The following ADK variants were observed in gnomAD, a reference collection of about 807,000 sequenced individuals.
The protein encoded by ADK is adenosine kinase, also known as N6,N6-dimethyladenosine kinase.
ADK carries 24 observed loss-of-function variants against 44.7 expected under a neutral mutation model. That is an observed-to-expected ratio of 0.54 (90% CI 0.39 to 0.76). The LOEUF (loss-of-function observed/expected upper bound fraction) is 0.76, where lower values mean the gene tolerates loss of function less well. ADK is among the 30% of genes least tolerant of loss of function. The pLI, the probability that ADK is intolerant of heterozygous loss-of-function variation, is 0.00. For synonymous variants in ADK, 128 were observed against 142.6 expected, an observed-to-expected ratio of 0.90 and a Z score of 0.73; for missense variants, 321 against 425.1, an observed-to-expected ratio of 0.76 and a Z score of 2.15.
chr10:74,236,821 T>C (rs915267562), intron 3 of ADK, among the ~76,000 whole-genome samples: 23 of 152,192 alleles, frequency 1.5e-4, no homozygotes, highest in Admixed American at 6.5e-5. Flanking sequence ...GTATAAAAAA[T>C]GTATATGCCT....
At chr10:74,221,317 T>A (rs1362697204) in intron 2 of ADK, among the ~76,000 whole-genome samples, 1 of 150,332 alleles carries the variant, frequency 6.7e-6, no homozygotes, top group Non-Finnish European at 1.5e-5. Context: ...TTACAAGGGA[T>A]GTGAAGGACC....
chr10:74,651,075 GA>G (rs1213448593), intron 9 of ADK, among the ~76,000 whole-genome samples: 1 of 152,148 alleles, frequency 6.6e-6, no homozygotes, highest in African/African-American at 2.4e-5. Flanking sequence ...TAGGCATTTA[GA>G]ATGATATTTG....
chr10:74,247,826 C>CT (rs1012906863), intron 3 of ADK, among the ~76,000 whole-genome samples: 27 of 151,882 alleles, frequency 1.8e-4, no homozygotes, highest in African/African-American at 5.6e-4. Context: ...GTCTTTTTTC[C>CT]TTTTTTTCCC....
intron 3 of ADK, among the ~76,000 whole-genome samples, chr10:74,247,224 G>GTTTT (rs142274121): frequency 0.014 from 1,039 of 71,996 alleles, 24 homozygotes; most frequent in Middle Eastern, 0.018. Flanking sequence ...TTTTTTTTAA[G>GTTTT]TTTTTTTTTT....
At position 74,220,550 on chromosome 10, in the gene ADK, T is replaced by G. The variant is rs1212166603; in HGVS notation, c.141-3988T>G. Reference sequence around the variant, plus strand: ...CCAGCATCATCCTGATACCAAAGCCTGGCAGAGACACAACCAAAAAAGAGA... The same window carrying G: ...CCAGCATCATCCTGATACCAAAGCCGGGCAGAGACACAACCAAAAAAGAGA... On this transcript the variant is annotated intron_variant, in intron 2 of 10. Transcript: ENST00000539909. 3.9e-5 allele frequency among the ~76,000 whole-genome samples: 6 copies of G among 152,118 alleles called. No homozygotes were observed. The East Asian group carries it at 1.2e-3, about 29-fold the overall frequency.
intron 6 of ADK, among the ~76,000 whole-genome samples, chr10:74,470,313 C>T (rs1443123633): frequency 6.6e-6 from 1 of 152,060 alleles, no homozygotes; most frequent in Non-Finnish European, 1.5e-5. Context: ...GTGTGAGCCA[C>T]CGCGCCCAGC....
At chr10:74,534,988 ATTAGT>A (rs1353690494) in intron 7 of ADK, among the ~76,000 whole-genome samples, 3 of 152,212 alleles carry the variant, frequency 2.0e-5, no homozygotes, top group African/African-American at 7.2e-5. Context: ...TAGAATGAGA[ATTAGT>A]TTAATGAGTT....
intron 7 of ADK, among the ~76,000 whole-genome samples, chr10:74,563,807 C>T (rs947006416): frequency 2.0e-5 from 3 of 152,112 alleles, no homozygotes; most frequent in African/African-American, 4.8e-5. Context: ...CAAATAAGCA[C>T]GTCTAGAAAA....
At chr10:74,562,462 A>G (rs77721209) in intron 7 of ADK, among the ~76,000 whole-genome samples, 1 of 152,212 alleles carries the variant, frequency 6.6e-6, no homozygotes, top group Non-Finnish European at 1.5e-5. Flanking sequence ...GGATGGGTGC[A>G]AACACTTTCA....
At chr10:74,198,396 A>G (rs1313550507) in intron 1 of ADK, among the ~76,000 whole-genome samples, 11 of 152,236 alleles carry the variant, frequency 7.2e-5, no homozygotes, top group African/African-American at 2.7e-4. Flanking sequence ...ATTCAGCCAT[A>G]GTTGCTCAAT....
intron 4 of ADK, among the ~76,000 whole-genome samples, chr10:74,323,269 T>C (rs936750826): frequency 1.3e-5 from 2 of 152,208 alleles, no homozygotes; most frequent in African/African-American, 4.8e-5. Context: ...GAACTCAGAC[T>C]TTTCTGAAAG....
intron 7 of ADK, among the ~76,000 whole-genome samples, chr10:74,545,276 C>T (rs1849785043): frequency 6.6e-6 from 1 of 152,068 alleles, no homozygotes; most frequent in African/African-American, 2.4e-5. Flanking sequence ...ACATTCTTTT[C>T]CTCTCAACTT....
chr10:74,374,104 A>C (rs890381000), intron 4 of ADK, among the ~76,000 whole-genome samples: 1 of 152,144 alleles, frequency 6.6e-6, no homozygotes, highest in Non-Finnish European at 1.5e-5. Context: ...CAGAAAATAA[A>C]TTAGTGTTTG....
intron 3 of ADK, among the ~76,000 whole-genome samples, chr10:74,256,454 C>T (rs903288665): frequency 9.2e-5 from 14 of 152,238 alleles, no homozygotes; most frequent in Non-Finnish European, 1.9e-4. Flanking sequence ...ATCTTCATGG[C>T]CTTCTTAGTG....
chr10:74,371,764 T>C lies in ADK; in HGVS notation c.274-22377T>C, dbSNP rs1179035295. 2.9e-6 allele frequency: 4 copies of C among 1,361,360 alleles called. No homozygotes were observed. In the East Asian group the frequency reaches 6.9e-5, roughly 23 times the overall value. The allele number at this position is 1,361,360 out of a possible 1,614,324, so 84.3% of individuals were successfully genotyped here. A position where few individuals can be genotyped will look rare whatever the true frequency, so the allele number is the denominator to read the frequency against. ...GAAAACCCTGCTGATGTCAGTGTTA[T>C]ATCCTCCAGGAATATTGGCCAAAGG... On this transcript the variant is annotated intron_variant, in intron 4 of 10. Coordinates refer to ENST00000539909, the MANE Select transcript of ADK (RefSeq NM_006721.4).
chr10:74,213,729 T>C (rs1457994465), intron 2 of ADK, among the ~76,000 whole-genome samples: 2 of 152,072 alleles, frequency 1.3e-5, no homozygotes, highest in African/African-American at 4.8e-5. Context: ...CCTAAAAGGG[T>C]CCCCTGTATT....
intron 6 of ADK, among the ~76,000 whole-genome samples, chr10:74,440,657 T>C (rs1418951778): frequency 6.6e-6 from 1 of 152,226 alleles, no homozygotes; most frequent in Middle Eastern, 3.4e-3. Context: ...ATGAAAAATC[T>C]CTGGCCTAGT....
At chr10:74,188,653 C>T (rs999980702) in intron 1 of ADK, among the ~76,000 whole-genome samples, 2 of 151,956 alleles carry the variant, frequency 1.3e-5, no homozygotes, top group African/African-American at 4.8e-5. Flanking sequence ...CGCCCGGCCA[C>T]CTTGCTCTCC....
At chr10:74,239,013 A>C (rs1033013356) in intron 3 of ADK, among the ~76,000 whole-genome samples, 4 of 152,000 alleles carry the variant, frequency 2.6e-5, no homozygotes, top group Non-Finnish European at 5.9e-5. Context: ...GGGGCCAGCC[A>C]CCATGCCCAG....
Sources: gnomAD v4.1 joint callset for allele counts (sites outside exome capture counted in the v4.1 genomes callset) on GRCh38, gnomAD v4.1.1 for gene constraint, MANE v1.5 for transcripts, NCBI Gene and HGNC (gene_info 2026-07-23, HGNC 2026-07-21) for gene names.